HPSE2: variants seen among roughly 807,000 people sequenced by gnomAD.
HPSE2 encodes the protein inactive heparanase-2.
A neutral mutation model predicts 60.5 loss-of-function variants in HPSE2; 38 were observed. That is an observed-to-expected ratio of 0.63 (90% CI 0.48 to 0.82). The LOEUF (loss-of-function observed/expected upper bound fraction) is 0.82. Among genes scored for constraint, HPSE2 ranks in the 40% least tolerant of loss-of-function variants. The probability of loss-of-function intolerance (pLI) is 0.00; values close to 1 mark genes in which losing one functional copy is unlikely to be tolerated. For synonymous variants in HPSE2, 295 were observed against 293.2 expected, an observed-to-expected ratio of 1.01 and a Z score of -0.06; for missense variants, 713 against 740.4, an observed-to-expected ratio of 0.96 and a Z score of 0.43.
chr10:98,841,674 G>A (rs1223567311), intron 3 of HPSE2, among the ~76,000 whole-genome samples: 2 of 152,156 alleles, frequency 1.3e-5, no homozygotes, highest in Non-Finnish European at 2.9e-5. Context: ...TATATTCTCC[G>A]TGAAGATGCC....
chr10:98,761,496 T>C (rs193051503), intron 3 of HPSE2, among the ~76,000 whole-genome samples: 125 of 152,350 alleles, frequency 8.2e-4, no homozygotes, highest in Admixed American at 6.5e-3. Context: ...TCTTTTTTCT[T>C]AATGTAGGCA....
intron 2 of HPSE2, among the ~76,000 whole-genome samples, chr10:99,160,809 G>A (rs889895731): frequency 1.4e-5 from 2 of 143,350 alleles, no homozygotes; most frequent in African/African-American, 5.1e-5. Flanking sequence ...TGAGGCAGGA[G>A]AATGGTGTGA....
At chr10:98,795,007 GGAGA>G (rs1251986688) in intron 3 of HPSE2, among the ~76,000 whole-genome samples, 5 of 114,874 alleles carry the variant, frequency 4.4e-5, no homozygotes, top group African/African-American at 1.2e-4. Context: ...GAGGGAGGAA[GGAGA>G]GAGAGAGAGA....
chr10:98,924,929 G>C (rs945975703), intron 3 of HPSE2, among the ~76,000 whole-genome samples: 3 of 152,192 alleles, frequency 2.0e-5, no homozygotes, highest in African/African-American at 7.2e-5. Flanking sequence ...GCTAGGGCTG[G>C]TCCAGATGCT....
At chr10:99,243,889 T>C in the HPSE2 span, among the ~76,000 whole-genome samples, 2 of 152,202 alleles carry the variant, frequency 1.3e-5, no homozygotes, top group East Asian at 3.9e-4. Context: ...TGAGTAGAGA[T>C]TGCCCCACTG....
intron 3 of HPSE2, among the ~76,000 whole-genome samples, chr10:98,897,818 C>A (rs1953537803): frequency 6.6e-6 from 1 of 151,952 alleles, no homozygotes; most frequent in African/African-American, 2.4e-5. Context: ...AAAAGCATGA[C>A]CCATGAAAGA....
chr10:98,742,543 T>C (rs1444658591), intron 4 of HPSE2, among the ~76,000 whole-genome samples: 3 of 152,150 alleles, frequency 2.0e-5, no homozygotes, highest in Non-Finnish European at 4.4e-5. Flanking sequence ...TTCTAAAGTA[T>C]ACCAAAAGGT....
intron 4 of HPSE2, among the ~76,000 whole-genome samples, chr10:98,740,332 C>G (rs1037602209): frequency 5.3e-5 from 8 of 151,926 alleles, no homozygotes; most frequent in African/African-American, 1.9e-4. Context: ...CATGCTACCA[C>G]GCCCAGCTAA....
intron 3 of HPSE2, among the ~76,000 whole-genome samples, chr10:99,055,759 A>G (rs904668334): frequency 6.6e-6 from 1 of 152,150 alleles, no homozygotes; most frequent in Non-Finnish European, 1.5e-5. Flanking sequence ...GAAAAATTAG[A>G]ATGTATTTCT....
At chr10:99,270,813 A>C in the HPSE2 span, among the ~76,000 whole-genome samples, 1 of 152,232 alleles carries the variant, frequency 6.6e-6, no homozygotes, top group African/African-American at 2.4e-5. Flanking sequence ...CATTCCAGGA[A>C]TTCAGGGATG....
intron 9 of HPSE2, among the ~76,000 whole-genome samples, chr10:98,525,543 C>T (rs984749331): frequency 2.0e-5 from 3 of 152,206 alleles, no homozygotes; most frequent in African/African-American, 7.2e-5. Context: ...GGAAAAGCTA[C>T]AGAAGAGAAA....
intron 7 of HPSE2, among the ~76,000 whole-genome samples, chr10:98,638,228 G>A (rs1047778798): frequency 2.0e-5 from 3 of 149,950 alleles, no homozygotes; most frequent in African/African-American, 4.9e-5. Context: ...GGCAGATGAC[G>A]AGGTCAGGAG....
chr10:99,066,983 T>C (rs1842637890), intron 3 of HPSE2, among the ~76,000 whole-genome samples: 3 of 152,094 alleles, frequency 2.0e-5, no homozygotes, highest in African/African-American at 7.2e-5. Flanking sequence ...GGTACAGGCA[T>C]TGGGTAAATA....
At chr10:98,992,698 A>G (rs1396482342) in intron 3 of HPSE2, among the ~76,000 whole-genome samples, 1 of 152,230 alleles carries the variant, frequency 6.6e-6, no homozygotes, top group Non-Finnish European at 1.5e-5. Context: ...AGGAGGCACA[A>G]AGTACTTAAA....
intron 11 of HPSE2, among the ~76,000 whole-genome samples, chr10:98,461,385 C>T (rs1335137208): frequency 8.5e-6 from 1 of 117,792 alleles, no homozygotes; most frequent in Admixed American, 8.5e-5. Context: ...GCGAGGCCTG[C>T]CTCTGGAAGG....
intron 3 of HPSE2, among the ~76,000 whole-genome samples, chr10:98,945,858 A>G (rs1278846620): frequency 2.0e-5 from 3 of 152,312 alleles, no homozygotes; most frequent in African/African-American, 4.8e-5. Context: ...TCACATTGCA[A>G]TATTTCATTG....
intron 9 of HPSE2, among the ~76,000 whole-genome samples, chr10:98,551,309 T>C (rs749136697): frequency 3.9e-5 from 6 of 152,222 alleles, no homozygotes; most frequent in Non-Finnish European, 5.9e-5. Flanking sequence ...CATACTTCTC[T>C]AGATGAAGGG....
intron 3 of HPSE2, among the ~76,000 whole-genome samples, chr10:98,826,202 C>T (rs894561029): frequency 7.2e-5 from 11 of 152,084 alleles, no homozygotes; most frequent in African/African-American, 2.7e-4. Flanking sequence ...TAGAATGGTG[C>T]CAAGTACATA....
At chr10:98,503,064 T>C (rs1942078560) in intron 9 of HPSE2, among the ~76,000 whole-genome samples, 1 of 151,642 alleles carries the variant, frequency 6.6e-6, no homozygotes, top group African/African-American at 2.4e-5. Flanking sequence ...ATACAAAAAT[T>C]AGCTGGGCAT....
Sources: gnomAD v4.1 joint callset for allele counts (sites outside exome capture counted in the v4.1 genomes callset) on GRCh38, gnomAD v4.1.1 for gene constraint, MANE v1.5 for transcripts, NCBI Gene and HGNC (gene_info 2026-07-23, HGNC 2026-07-21) for gene names.